The following DNAJB13 variants were observed in gnomAD, a reference collection of about 807,000 sequenced individuals.
DNAJB13 encodes dnaJ homolog subfamily B member 13.
In DNAJB13, 22 loss-of-function variants were observed where a neutral mutation model predicts 35.6. The observed-to-expected ratio is 0.62, with a 90% CI of 0.44 to 0.88. DNAJB13 has a LOEUF of 0.88. Among genes scored for constraint, DNAJB13 ranks in the 40% least tolerant of loss-of-function variants. The pLI is 0.00. For missense variants in DNAJB13, 370 were observed against 384.3 expected, an observed-to-expected ratio of 0.96 and a Z score of 0.31; for synonymous variants, 136 against 144.2, an observed-to-expected ratio of 0.94 and a Z score of 0.41.
intron 2 of DNAJB13, among the ~76,000 whole-genome samples, chr11:73,958,821 C>A (rs1299641206): frequency 6.6e-6 from 1 of 152,200 alleles, no homozygotes; most frequent in Non-Finnish European, 1.5e-5. Context: ...GGCTTAGTGT[C>A]CATTTCCCCA....
intron 5 of DNAJB13, among the ~76,000 whole-genome samples, chr11:73,967,756 A>G (rs1345443329): frequency 2.0e-5 from 3 of 152,128 alleles, no homozygotes; most frequent in African/African-American, 4.8e-5. Flanking sequence ...AAACAAAACA[A>G]ACAGACAAAA....
intron 1 of DNAJB13, among the ~76,000 whole-genome samples, chr11:73,953,621 A>T (rs1490317972): frequency 6.6e-6 from 1 of 152,184 alleles, no homozygotes; most frequent in Non-Finnish European, 1.5e-5. Flanking sequence ...TCTATGAATA[A>T]CATCGGTTTC....
intron 1 of DNAJB13, among the ~76,000 whole-genome samples, chr11:73,955,645 G>A (rs1420150987): frequency 2.6e-5 from 4 of 152,020 alleles, no homozygotes; most frequent in Non-Finnish European, 5.9e-5. Flanking sequence ...TGGCCAACAC[G>A]GCAAAAACCC....
At chr11:73,968,576 A>C in intron 6 of DNAJB13, 118 bp downstream of exon 6, 1 of 777,436 alleles carries the variant, frequency 1.3e-6, no homozygotes, top group Non-Finnish European at 2.1e-6. Flanking sequence ...AGCCCTGTGG[A>C]TTCCACCCTC....
At chr11:73,964,810 T>TGCGCGCGCGCGCGC (rs763008519) in intron 3 of DNAJB13, 68 bp from the exon 4 acceptor site, 2 of 684,680 alleles carry the variant, frequency 2.9e-6, no homozygotes, top group African/African-American at 4.5e-5. Context: ...TGTGTGTGTG[T>TGCGCGCGCGCGCGC]GTGCGCGCGC....
chr11:73,957,641 T>C (rs1394460688), intron 1 of DNAJB13, among the ~76,000 whole-genome samples: 1 of 151,790 alleles, frequency 6.6e-6, no homozygotes, highest in East Asian at 1.9e-4. Context: ...TTCAGGCAAA[T>C]AGCAGAGGAC....
intron 5 of DNAJB13, chr11:73,968,077 C>G (rs1311404265): frequency 2.0e-6 from 1 of 493,620 alleles, no homozygotes; most frequent in Non-Finnish European, 3.6e-6. Context: ...TGCCTGCCGT[C>G]TGAGGAAGCC....
In DNAJB13 at chr11:73,958,223, T is replaced by C. The variant is rs1950814925; in HGVS notation, c.69-94T>C. ...GGTGAAGTCACCCCGGATTTATAGCTAGGCAGGAGTGAACAGAGTGCCGGC... is the reference window on the plus strand; with the variant it reads ...GGTGAAGTCACCCCGGATTTATAGCCAGGCAGGAGTGAACAGAGTGCCGGC... On this transcript the variant is annotated intron_variant, in intron 1 of 7. Coordinates refer to ENST00000339764, the MANE Select transcript of DNAJB13 (RefSeq NM_153614.4). 5.5e-6 allele frequency: 7 copies of C among 1,270,802 alleles called. No homozygotes were observed. The East Asian group carries it at 1.6e-4, about 30-fold the overall frequency. The allele number at this position is 1,270,802 out of a possible 1,614,324, so 78.7% of individuals were successfully genotyped here. A position where few individuals can be genotyped will look rare whatever the true frequency, so the allele number is the denominator to read the frequency against.
intron 5 of DNAJB13, chr11:73,968,094 C>T (rs1951171148): frequency 4.0e-6 from 2 of 497,354 alleles, no homozygotes; most frequent in Middle Eastern, 4.9e-4. Flanking sequence ...AGCCTCTCCG[C>T]CCCTCCAGCT....
Position 73,970,031 on chromosome 11 carries a change from C to G in DNAJB13, c.868C>G (p.Leu290Val). The G allele has an allele frequency of 6.2e-7, 1 of 1,611,710 alleles. No individual in the cohort carries two copies. Among genetic ancestry groups the G allele is most frequent in the Non-Finnish European group, 8.5e-7 (1 of 1,178,818 alleles). Residue 290 changes from leucine to valine, a missense_variant, in exon 8 of 8, where the codon CTC (leucine) becomes GTC (valine). Transcript: ENST00000339764. ...LPEDPTKKGD[L>V]FIFFDIQFPT... is the part of the protein sequence containing the mutation. Reference sequence around the variant, plus strand: ...GGAGGACCCCACTAAGAAAGGGGATCTCTTCATCTTCTTCGACATCCAGTT... The same window carrying G: ...GGAGGACCCCACTAAGAAAGGGGATGTCTTCATCTTCTTCGACATCCAGTT...
chr11:73,952,079 A>G (rs1191769150), intron 1 of DNAJB13, among the ~76,000 whole-genome samples: 1 of 152,346 alleles, frequency 6.6e-6, no homozygotes, highest in East Asian at 1.9e-4. Context: ...CCCTTACCTC[A>G]TGCAGCTAGA....
intron 1 of DNAJB13, among the ~76,000 whole-genome samples, chr11:73,955,341 C>G (rs1950711322): frequency 6.8e-6 from 1 of 146,872 alleles, no homozygotes; most frequent in African/African-American, 2.5e-5. Context: ...CGGAGTCTCT[C>G]TCTGCCACCC....
intron 3 of DNAJB13, chr11:73,964,642 G>A (rs1487218056): frequency 1.9e-5 from 10 of 528,266 alleles, no homozygotes; most frequent in Non-Finnish European, 3.0e-5. Context: ...GGCAAAGGAT[G>A]ATAATCACTG....
At chr11:73,968,149 G>A (rs896268656) in intron 5 of DNAJB13, 196 bp from the exon 6 acceptor site, 2 of 605,288 alleles carry the variant, frequency 3.3e-6, no homozygotes, top group Non-Finnish European at 5.9e-6. Context: ...GTAATTCTGG[G>A]GGGATTCATT....
At chr11:73,955,847 A>C (rs1382143333) in intron 1 of DNAJB13, among the ~76,000 whole-genome samples, 3 of 152,140 alleles carry the variant, frequency 2.0e-5, no homozygotes, top group Non-Finnish European at 2.9e-5. Context: ...ATAATTGAGA[A>C]AGGCTGGTTT....
intron 1 of DNAJB13, among the ~76,000 whole-genome samples, chr11:73,954,195 G>A (rs1238877055): frequency 4.0e-5 from 6 of 151,310 alleles, no homozygotes; most frequent in African/African-American, 7.3e-5. Flanking sequence ...GTGTAGTGGC[G>A]CATGCCTGTA....
At chr11:73,963,074 C>T (rs900418050) in intron 3 of DNAJB13, among the ~76,000 whole-genome samples, 2 of 152,100 alleles carry the variant, frequency 1.3e-5, no homozygotes, top group African/African-American at 4.8e-5. Flanking sequence ...ACCTGTAATC[C>T]CAGCACTTCA....
At chr11:73,966,758 A>G (rs1951127478) in intron 5 of DNAJB13, among the ~76,000 whole-genome samples, 2 of 151,536 alleles carry the variant, frequency 1.3e-5, no homozygotes, top group Admixed American at 1.3e-4. Flanking sequence ...AGCTCATTGC[A>G]GCCTCCACCT....
intron 1 of DNAJB13, among the ~76,000 whole-genome samples, chr11:73,951,728 C>A (rs1055443168): frequency 6.6e-6 from 1 of 152,174 alleles, no homozygotes; most frequent in Non-Finnish European, 1.5e-5. Flanking sequence ...CTCACCGCAA[C>A]CTCCACCTCC....
Sources: gnomAD v4.1 joint callset for allele counts (sites outside exome capture counted in the v4.1 genomes callset) on GRCh38, gnomAD v4.1.1 for gene constraint, MANE v1.5 for transcripts, NCBI Gene and HGNC (gene_info 2026-07-23, HGNC 2026-07-21) for gene names.